PHLPP1: variants seen among roughly 807,000 people sequenced by gnomAD.
The protein encoded by PHLPP1 is PH domain and leucine rich repeat protein phosphatase 1, also known as PH domain leucine-rich repeat-containing protein phosphatase 1.
In PHLPP1, 42 loss-of-function variants were observed where a neutral mutation model predicts 117.2. The observed-to-expected ratio is 0.36, with a 90% CI of 0.28 to 0.46. The LOEUF is 0.46. Ranked by LOEUF, PHLPP1 falls within the 20% of genes least tolerant of loss-of-function variation. The pLI is 1.00. For synonymous variants in PHLPP1, 1,042 were observed against 970.7 expected (o/e 1.07, Z -1.37); for missense variants, 2,084 against 2,241.9 (o/e 0.93, Z 1.42).
intron 1 of PHLPP1, among the ~76,000 whole-genome samples, chr18:62,803,862 G>A (rs1054042452): frequency 2.6e-5 from 4 of 152,076 alleles, no homozygotes; most frequent in African/African-American, 9.7e-5. Flanking sequence ...TGCTATTGTT[G>A]GTCTTAAGCT....
rs751628603 is a variant in PHLPP1 at position 62,855,036 on chromosome 18, C to T, written c.1900-5399C>T. ...TTTAAACTAAATGGCCTTGGGCGCA[C>T]ACTCTGTGACTCAGTTTAATCTTTA... On this transcript the variant is annotated intron_variant, in intron 3 of 16. Coordinates refer to ENST00000262719, the MANE Select transcript of PHLPP1 (RefSeq NM_194449.4). Among the ~76,000 whole-genome samples, 23 of 152,148 alleles carry T rather than the reference C, an allele frequency of 1.5e-4. 1 individual carries two copies. Among genetic ancestry groups the T allele is most frequent in the Admixed American group, 9.8e-4 (15 of 15,266 alleles).
intron 12 of PHLPP1, among the ~76,000 whole-genome samples, chr18:62,951,800 C>A (rs1910466157): frequency 6.7e-6 from 1 of 149,304 alleles, no homozygotes; most frequent in Non-Finnish European, 1.5e-5. Flanking sequence ...CCCCCAAGGG[C>A]ACACATAATT....
intron 10 of PHLPP1, among the ~76,000 whole-genome samples, chr18:62,922,717 G>C (rs1295963732): frequency 6.6e-6 from 1 of 152,206 alleles, no homozygotes; most frequent in African/African-American, 2.4e-5. Flanking sequence ...GAGGTTATCA[G>C]TGCTAGAATT....
At chr18:62,873,004 A>G (rs1050933556) in intron 4 of PHLPP1, among the ~76,000 whole-genome samples, 29 of 150,896 alleles carry the variant, frequency 1.9e-4, no homozygotes, top group African/African-American at 5.6e-4. Context: ...AAAAAAAAAA[A>G]AAAGAAAAGG....
intron 3 of PHLPP1, among the ~76,000 whole-genome samples, chr18:62,849,820 A>ATATATATATATAT (rs1568137157): frequency 2.2e-5 from 1 of 45,436 alleles, no homozygotes; most frequent in African/African-American, 8.9e-5. Context: ...AAAAAAAAAA[A>ATATATATATATAT]AAAAAAAAAA....
At chr18:62,798,443 T>C (rs1006546249) in intron 1 of PHLPP1, among the ~76,000 whole-genome samples, 6 of 152,200 alleles carry the variant, frequency 3.9e-5, no homozygotes, top group South Asian at 2.1e-4. Context: ...TACACTGATA[T>C]ATCTTATGAA....
intron 10 of PHLPP1, among the ~76,000 whole-genome samples, chr18:62,936,677 G>A (rs539241585): frequency 9.2e-5 from 14 of 152,278 alleles, no homozygotes; most frequent in Admixed American, 2.6e-4. Flanking sequence ...TGCCAAAAAC[G>A]CATGACCTTA....
chr18:62,850,620 GA>G (rs1221349486), intron 3 of PHLPP1, among the ~76,000 whole-genome samples: 1 of 152,092 alleles, frequency 6.6e-6, no homozygotes, highest in Middle Eastern at 3.2e-3. Context: ...AGGAACTGAG[GA>G]AGGAACTCTG....
At chr18:62,728,658 A>G (rs12956672) in intron 1 of PHLPP1, among the ~76,000 whole-genome samples, 7,240 of 151,904 alleles carry the variant, frequency 0.048, 193 homozygotes, top group Middle Eastern at 0.061. Context: ...ACAGGTACAC[A>G]CCACTACACC....
chr18:62,799,697 T>C (rs1316498159), intron 1 of PHLPP1, among the ~76,000 whole-genome samples: 1 of 152,220 alleles, frequency 6.6e-6, no homozygotes, highest in Non-Finnish European at 1.5e-5. Flanking sequence ...CCTTGTAGAA[T>C]ACAGTGTGTG....
chr18:62,912,827 G>A (rs1916994163), intron 8 of PHLPP1, among the ~76,000 whole-genome samples: 2 of 152,080 alleles, frequency 1.3e-5, no homozygotes, highest in Admixed American at 1.3e-4. Flanking sequence ...CACCGTGTTG[G>A]CCAGGCTGGT....
intron 1 of PHLPP1, among the ~76,000 whole-genome samples, chr18:62,812,878 T>G (rs1179345309): frequency 6.6e-6 from 1 of 152,172 alleles, no homozygotes; most frequent in East Asian, 1.9e-4. Context: ...CCTACGGAAC[T>G]GAACAGGTCT....
chr18:62,727,780 A>G (rs890071637), intron 1 of PHLPP1, among the ~76,000 whole-genome samples: 3 of 152,014 alleles, frequency 2.0e-5, no homozygotes, highest in Admixed American at 1.3e-4. Flanking sequence ...AAGGCTCTTT[A>G]GCCTTACCAC....
intron 12 of PHLPP1, among the ~76,000 whole-genome samples, chr18:62,947,047 C>G (rs7243716): frequency 6.6e-6 from 1 of 152,044 alleles, no homozygotes; most frequent in Admixed American, 6.5e-5. Flanking sequence ...AGCGAGACTC[C>G]GTCTCAAAAA....
At chr18:62,773,942 C>T (rs1045510912) in intron 1 of PHLPP1, among the ~76,000 whole-genome samples, 2 of 152,182 alleles carry the variant, frequency 1.3e-5, no homozygotes, top group Non-Finnish European at 2.9e-5. Context: ...GGCAAGGCAG[C>T]TCTCTGGGGC....
intron 4 of PHLPP1, among the ~76,000 whole-genome samples, chr18:62,876,761 A>G (rs1279069089): frequency 6.6e-6 from 1 of 152,216 alleles, no homozygotes; most frequent in Admixed American, 6.5e-5. Flanking sequence ...TATCAGTTTC[A>G]AGGAACTCAG....
intron 3 of PHLPP1, among the ~76,000 whole-genome samples, chr18:62,842,478 C>T (rs1915078551): frequency 6.6e-6 from 1 of 152,072 alleles, no homozygotes; most frequent in African/African-American, 2.4e-5. Flanking sequence ...ATTCCCACCT[C>T]AGCCTCCTGA....
intron 4 of PHLPP1, among the ~76,000 whole-genome samples, chr18:62,890,486 G>A (rs371844106): frequency 2.6e-5 from 4 of 152,016 alleles, no homozygotes; most frequent in East Asian, 3.9e-4. Context: ...GGCTGGTCTC[G>A]AAGTCTTGAC....
intron 4 of PHLPP1, among the ~76,000 whole-genome samples, chr18:62,860,933 C>T (rs1915616268): frequency 6.6e-6 from 1 of 152,176 alleles, no homozygotes; most frequent in African/African-American, 2.4e-5. Flanking sequence ...TTCTGAACTT[C>T]AGGTGTTTGT....
Sources: allele counts gnomAD v4.1 joint callset (sites outside exome capture counted in the v4.1 genomes callset), GRCh38; gene constraint gnomAD v4.1.1; transcripts MANE v1.5; gene names NCBI Gene and HGNC (gene_info 2026-07-23, HGNC 2026-07-21).